Variants in ATP11B observed in about 807,000 individuals in gnomAD.
The protein encoded by ATP11B is ATPase phospholipid transporting 11B (putative), also known as phospholipid-transporting ATPase IF.
ATP11B carries 81 observed loss-of-function variants against 157.8 expected under a neutral mutation model. The observed-to-expected ratio is 0.51, with a 90% confidence interval of 0.43 to 0.62. The LOEUF is 0.62. Ranked by LOEUF, ATP11B falls within the 20% of genes least tolerant of loss-of-function variation. The pLI, the probability that ATP11B is intolerant of heterozygous loss-of-function variation, is 0.00. For missense variants in ATP11B, 1,165 were observed against 1,402.2 expected (o/e 0.83, Z 2.70); for synonymous variants, 451 against 469.4 (o/e 0.96, Z 0.51).
At chr3:182,799,182 TC>T (rs1179238513) in intron 1 of ATP11B, among the ~76,000 whole-genome samples, 9 of 152,264 alleles carry the variant, frequency 5.9e-5, no homozygotes, top group African/African-American at 1.7e-4. Flanking sequence ...AAATAATTTA[TC>T]AAGTCAACAT....
rs143146367 is a variant in ATP11B at position 182,860,928 on chromosome 3, AT to A, written c.1200+1573del. ...CCTCTATTATCTTTGCTTGTAGTGC[AT>A]TTTCCAGAACAGCCAGTTCTGCTAT... On this transcript the variant is annotated intron_variant, in intron 12 of 29. Coordinates refer to ENST00000323116, the MANE Select transcript of ATP11B (RefSeq NM_014616.3). 8.0e-3 allele frequency among the ~76,000 whole-genome samples: 1,216 copies of A among 152,142 alleles called. 16 individuals are homozygous for A. The highest frequency in any genetic ancestry group is 0.028 in the African/African-American group (1,166 of 41,502).
intron 10 of ATP11B, among the ~76,000 whole-genome samples, chr3:182,855,769 G>C (rs564353627): frequency 6.6e-6 from 1 of 152,104 alleles, no homozygotes; most frequent in Admixed American, 6.5e-5. Flanking sequence ...AAAAGCTGCA[G>C]ATTACAAATA....
At position 182,818,785 on chromosome 3, in the gene ATP11B, C is replaced by T. The variant is rs561306167; in HGVS notation, c.28-1475C>T. On this transcript the variant is annotated intron_variant, in intron 1 of 29. Transcript: ENST00000323116. Reference sequence around the variant, plus strand: ...TGTTGAATGGTAGCCAAATTACTTACGTAGTAGGTTACTAAATTAGAGCGT... The same window carrying T: ...TGTTGAATGGTAGCCAAATTACTTATGTAGTAGGTTACTAAATTAGAGCGT... Among the ~76,000 whole-genome samples the T allele has an allele frequency of 4.6e-5, 7 of 152,072 alleles. No individual in the cohort carries two copies. The East Asian group carries it at 9.7e-4, about 21-fold the overall frequency.
intron 8 of ATP11B, chr3:182,844,690 C>A: frequency 3.6e-6 from 1 of 275,558 alleles, no homozygotes; most frequent in Non-Finnish European, 5.5e-6. Context: ...GTGCAGAATT[C>A]ATCCATTTAT....
intron 28 of ATP11B, among the ~76,000 whole-genome samples, chr3:182,913,119 T>TC (rs1283260595): frequency 6.6e-6 from 1 of 152,216 alleles, no homozygotes; most frequent in Admixed American, 6.5e-5. Context: ...TAATTCAGTT[T>TC]CAAATCTTGA....
chr3:182,835,557 T>C (rs936692055), intron 4 of ATP11B, among the ~76,000 whole-genome samples: 1 of 152,194 alleles, frequency 6.6e-6, no homozygotes, highest in African/African-American at 2.4e-5. Context: ...CAGGACATCA[T>C]CTGTTTGGTT....
chr3:182,850,645 G>A (rs1719904532), intron 10 of ATP11B, among the ~76,000 whole-genome samples: 1 of 152,180 alleles, frequency 6.6e-6, no homozygotes, highest in African/African-American at 2.4e-5. Context: ...GGGCATGTAA[G>A]TTAGGATAGC....
chr3:182,854,985 C>G (rs1381407786), intron 10 of ATP11B, among the ~76,000 whole-genome samples: 2 of 151,994 alleles, frequency 1.3e-5, no homozygotes, highest in Non-Finnish European at 2.9e-5. Flanking sequence ...GGTAAAGATG[C>G]CAGATTTCCC....
intron 12 of ATP11B, among the ~76,000 whole-genome samples, chr3:182,862,788 CT>C (rs2108538271): frequency 6.6e-6 from 1 of 151,438 alleles, no homozygotes; most frequent in Admixed American, 6.6e-5. Flanking sequence ...CTCATGCTGA[CT>C]TTTTTACCAT....
At chr3:182,829,079 G>A (rs1351556077) in intron 3 of ATP11B, among the ~76,000 whole-genome samples, 7 of 152,208 alleles carry the variant, frequency 4.6e-5, no homozygotes, top group South Asian at 2.1e-4. Flanking sequence ...TAGACCGTTC[G>A]CTTGGCTTTC....
At position 182,858,005 on chromosome 3, in the gene ATP11B, G is replaced by A; in HGVS notation, c.979G>A (p.Glu327Lys). Residue 327 changes from glutamate (E) to lysine (K), a missense_variant, in exon 11 of 30, where the codon GAA becomes AAA. Glu to Lys is a moderately conservative substitution (Grantham distance 56). Transcript: ENST00000323116. ...WDEPWYNQKTEHQRNSSKILR... is the reference protein window; with the variant it reads ...WDEPWYNQKTKHQRNSSKILR... ...TGAACCTTGGTATAACCAAAAAACA[G>A]AACATCAAAGAAATAGCAGTAAGGT... 6.2e-7 allele frequency: 1 copy of A among 1,611,342 alleles called. No homozygotes were observed. The highest frequency in any genetic ancestry group is 8.5e-7 in the Non-Finnish European group (1 of 1,178,154).
At chr3:182,865,736 T>G in intron 13 of ATP11B, 38 bp downstream of exon 13, 1 of 1,534,900 alleles carries the variant, frequency 6.5e-7, no homozygotes, top group Non-Finnish European at 8.8e-7. Context: ...GGGTTTCATA[T>G]GAAATAATTC....
At chr3:182,866,498 CAA>C (rs1721244459) in intron 14 of ATP11B, 55 bp downstream of exon 14, 1 of 1,387,980 alleles carries the variant, frequency 7.2e-7, no homozygotes, top group African/African-American at 1.5e-5. Flanking sequence ...ATAAATGTAA[CAA>C]TATTAGAATC....
chr3:182,805,454 C>CT lies in ATP11B; in HGVS notation c.27+11680dup, dbSNP rs1030710942. Among the ~76,000 whole-genome samples, 446 of 142,890 alleles carry CT rather than the reference C, an allele frequency of 3.1e-3. 2 individuals are homozygous for CT. The highest frequency in any genetic ancestry group is 9.2e-3 in the African/African-American group (362 of 39,268). 93.7% of individuals were successfully genotyped at this position (142,890 alleles called of 152,430 possible). ...AGAAATGCCTATTCAGATATTTTTG[C>CT]TTTTTTTTTTTTCTTTTGAGACGGA... On this transcript the variant is annotated intron_variant, in intron 1 of 29. Coordinates refer to ENST00000323116, the MANE Select transcript of ATP11B (RefSeq NM_014616.3).
At position 182,897,340 on chromosome 3, in the gene ATP11B, A is replaced by G. The variant is rs372659900; in HGVS notation, c.3086A>G (p.His1029Arg). The change falls in exon 27 of 30, where the codon CAT becomes CGT. Residue 1029 changes from histidine (H) to arginine (R), a missense_variant. Physicochemically the swap from His to Arg is conservative, Grantham distance 29 (BLOSUM62 0). Coordinates refer to ENST00000323116, the MANE Select transcript of ATP11B (RefSeq NM_014616.3). ...ACTCATTTTTGGACTTGGATCAACC[A>G]TCTCGTTACCTGGGGATCTATTATA... ...LETHFWTWIN[H>R]LVTWGSIIFY... 1.3e-6 allele frequency: 2 copies of G among 1,587,302 alleles called. No homozygotes were observed. The highest frequency in any genetic ancestry group is 3.8e-5 in the Admixed American group (2 of 53,038).
chr3:182,897,282 G>T (rs771835995), intron 26 of ATP11B, 21 bp from the exon 27 acceptor site: 2 of 1,378,758 alleles, frequency 1.5e-6, no homozygotes, highest in Middle Eastern at 1.8e-4. Context: ...TATTTCTAAG[G>T]ATATAAAAAC....
At chr3:182,822,249 C>A (rs1717406884) in intron 2 of ATP11B, among the ~76,000 whole-genome samples, 1 of 152,028 alleles carries the variant, frequency 6.6e-6, no homozygotes, top group Admixed American at 6.5e-5. Flanking sequence ...GGTATATCTC[C>A]TAATGCTATC....
In ATP11B at chr3:182,878,982, T is replaced by A. The variant is rs145949849; in HGVS notation, c.2253-514T>A. ...TCTATATATCAGTTCATTGTAAAAT[T>A]GAATATTAGGCTGGGCACAGCGGCT... is the stretch of plus-strand genomic sequence containing the variant. On this transcript the variant is annotated intron_variant, in intron 19 of 29. Coordinates refer to ENST00000323116, the MANE Select transcript of ATP11B (RefSeq NM_014616.3). Among the ~76,000 whole-genome samples, 234 of 152,262 alleles carry A rather than the reference T, an allele frequency of 1.5e-3. 2 individuals carry two copies. The highest frequency in any genetic ancestry group is 5.4e-3 in the African/African-American group (226 of 41,558).
chr3:182,834,523 G>T (rs1718391068), intron 4 of ATP11B, among the ~76,000 whole-genome samples: 2 of 152,004 alleles, frequency 1.3e-5, no homozygotes, highest in African/African-American at 4.8e-5. Flanking sequence ...TTCACAAATG[G>T]TAACATAGAA....
Sources: allele counts gnomAD v4.1 joint callset (sites outside exome capture counted in the v4.1 genomes callset), GRCh38; gene constraint gnomAD v4.1.1; transcripts MANE v1.5; gene names NCBI Gene and HGNC (gene_info 2026-07-23, HGNC 2026-07-21).